GLI3: variants seen among roughly 807,000 people sequenced by gnomAD.
GLI3 encodes GLI family zinc finger 3, also known as transcription activator GLI3.
A neutral mutation model predicts 100.8 loss-of-function variants in GLI3; 20 were observed. The observed-to-expected ratio is 0.20, with a 90% CI of 0.14 to 0.29. The LOEUF is 0.29. Ranked by LOEUF, GLI3 falls within the 10% of genes least tolerant of loss-of-function variation. GLI3 has a pLI of 1.00. For missense variants in GLI3, 2,040 were observed against 2,128.5 expected (o/e 0.96, Z 0.82); for synonymous variants, 938 against 860.5 (o/e 1.09, Z -1.58).
intron 3 of GLI3, among the ~76,000 whole-genome samples, chr7:42,128,780 A>G (rs1252230466): frequency 6.6e-6 from 1 of 152,086 alleles, no homozygotes; most frequent in Non-Finnish European, 1.5e-5. Flanking sequence ...GTAGGAATGG[A>G]AGTCCATGGG....
intron 10 of GLI3, among the ~76,000 whole-genome samples, chr7:42,006,689 A>G (rs569966900): frequency 6.6e-6 from 1 of 152,250 alleles, no homozygotes; most frequent in South Asian, 2.1e-4. Context: ...GGAATGTGCT[A>G]TTCCAGGGAA....
At chr7:42,088,153 C>A (rs916979354) in intron 3 of GLI3, among the ~76,000 whole-genome samples, 15 of 152,232 alleles carry the variant, frequency 9.9e-5, no homozygotes, top group African/African-American at 2.9e-4. Context: ...TAGCCACAAG[C>A]TGCACATTTT....
chr7:42,026,183 G>T lies in GLI3; in HGVS notation c.1242+16C>A. 1 of 1,593,504 alleles carries T rather than the reference G, an allele frequency of 6.3e-7. No individual in the cohort carries two copies. The highest frequency in any genetic ancestry group is 8.6e-7 in the Non-Finnish European group (1 of 1,164,546). On this transcript the variant is annotated intron_variant, in intron 8 of 14. Coordinates refer to ENST00000395925, the MANE Select transcript of GLI3 (RefSeq NM_000168.6). Reference sequence around the variant, plus strand: ...GCTGACCAGCACGGCCGGGTGCATCGACCTGTCCCTCTCACCTGTGAGGAC... The same window carrying T: ...GCTGACCAGCACGGCCGGGTGCATCTACCTGTCCCTCTCACCTGTGAGGAC...
rs1370365532 is a variant in GLI3 at position 41,972,066 on chromosome 7, G to C, written c.2103+271C>G. Among the ~76,000 whole-genome samples the C allele has an allele frequency of 6.6e-6, 1 of 152,202 alleles. No individual in the cohort carries two copies. On this transcript the variant is annotated intron_variant, in intron 13 of 14. Transcript: ENST00000395925. The surrounding 1 kb of genome is among the most constrained non-coding windows in gnomAD (Gnocchi z 4.4). ...GAATGATTTTCGACATTACAGACAC[G>C]CTGGAGAGACAGACAGTCGTGTCTT...
At chr7:42,213,825 C>T (rs1788318609) in intron 2 of GLI3, among the ~76,000 whole-genome samples, 1 of 152,222 alleles carries the variant, frequency 6.6e-6, no homozygotes, top group South Asian at 2.1e-4. Context: ...TTAACTCAAC[C>T]TTAGTTGTGT....
At position 41,964,546 on chromosome 7, in the gene GLI3, G is replaced by T. The variant is rs759795415; in HGVS notation, c.4527C>A (p.Ile1509=). 1.9e-6 allele frequency: 3 copies of T among 1,613,866 alleles called. No individual in the cohort carries two copies. In the South Asian group the frequency reaches 3.3e-5, roughly 18 times the overall value. The change falls in exon 15 of 15, where the codon ATC becomes ATA. Residue 1509 remains isoleucine (I), a synonymous_variant. Transcript: ENST00000395925. Reference sequence around the variant, plus strand: ...GGCTGGAGTGGTCCCCATCGTCTATGATGGCATCGAAGTCAATCTGTACCC... The same window carrying T: ...GGCTGGAGTGGTCCCCATCGTCTATTATGGCATCGAAGTCAATCTGTACCC... ...LEGVQIDFDA[I]IDDGDHSSLM...
intron 2 of GLI3, among the ~76,000 whole-genome samples, chr7:42,190,042 T>C (rs1289970070): frequency 6.7e-6 from 1 of 148,618 alleles, no homozygotes; most frequent in African/African-American, 2.5e-5. Context: ...TGCAATTACA[T>C]AGGGAAAATG....
intron 7 of GLI3, among the ~76,000 whole-genome samples, chr7:42,030,611 G>A (rs913652915): frequency 6.6e-6 from 1 of 151,514 alleles, no homozygotes; most frequent in South Asian, 2.1e-4. Flanking sequence ...CTATTTTTAG[G>A]GGCCCTGAAT....
At chr7:42,217,738 T>C (rs2128700564) in intron 2 of GLI3, among the ~76,000 whole-genome samples, 1 of 152,358 alleles carries the variant, frequency 6.6e-6, no homozygotes, top group Non-Finnish European at 1.5e-5. Flanking sequence ...TCTTGAACTG[T>C]TTTTCAGACA....
At chr7:42,000,961 G>A (rs1279298505) in intron 10 of GLI3, among the ~76,000 whole-genome samples, 1 of 152,082 alleles carries the variant, frequency 6.6e-6, no homozygotes, top group Non-Finnish European at 1.5e-5. Flanking sequence ...AAAAAAAGGA[G>A]GAGGGCCGGG....
rs1408419270 is a variant in GLI3 at position 42,233,604 on chromosome 7, T to C, written c.-43+3367A>G. ...AAAATCATCAAAGTGTGAAATTTCA[T>C]TTAAAGTCTTCGCCAGTCTACAGCT... On this transcript the variant is annotated intron_variant, in intron 1 of 14. Transcript: ENST00000395925. 2.0e-5 allele frequency among the ~76,000 whole-genome samples: 3 copies of C among 152,340 alleles called. No individual in the cohort carries two copies. The East Asian group carries it at 5.8e-4, about 29-fold the overall frequency.
chr7:42,225,283 G>A (rs114430621), intron 1 of GLI3, among the ~76,000 whole-genome samples: 1,787 of 152,210 alleles, frequency 0.012, 27 homozygotes, highest in African/African-American at 0.04. Context: ...GATGGCACCC[G>A]GAACCTCAAT....
chr7:42,148,135 GCACACACACACA>G (rs34148485), intron 3 of GLI3, 79 bp downstream of exon 3: 666 of 867,220 alleles, frequency 7.7e-4, no homozygotes, highest in Non-Finnish European at 7.9e-4. Flanking sequence ...CATAAAGCGC[GCACACACACACA>G]CACACACACA....
intron 2 of GLI3, among the ~76,000 whole-genome samples, chr7:42,155,812 G>C (rs1210374809): frequency 6.6e-6 from 1 of 152,174 alleles, no homozygotes; most frequent in Non-Finnish European, 1.5e-5. Flanking sequence ...TGCAGAGCAA[G>C]CTGCCTCCTG....
At chr7:41,968,913 C>T (rs182214894) in intron 13 of GLI3, among the ~76,000 whole-genome samples, 4 of 152,128 alleles carry the variant, frequency 2.6e-5, no homozygotes, top group African/African-American at 7.2e-5. Flanking sequence ...TAACCCCAAC[C>T]GAGTAGACTC....
At chr7:42,215,245 C>A (rs1316191435) in intron 2 of GLI3, among the ~76,000 whole-genome samples, 1 of 152,148 alleles carries the variant, frequency 6.6e-6, no homozygotes, top group Non-Finnish European at 1.5e-5. Flanking sequence ...TTTCAAAACT[C>A]ATAGAACGGC....
intron 3 of GLI3, among the ~76,000 whole-genome samples, chr7:42,106,609 CTATAAT>C (rs1019793734): frequency 6.6e-6 from 1 of 152,152 alleles, no homozygotes; most frequent in South Asian, 2.1e-4. Context: ...GGTTGGAAAT[CTATAAT>C]TATATGGAAT....
rs780680458 is a variant in GLI3 at position 42,026,400 on chromosome 7, G to A, written c.1041C>T (p.Ser347=). 1 of 1,614,042 alleles carries A rather than the reference G, an allele frequency of 6.2e-7. No homozygotes were observed. Among genetic ancestry groups the A allele is most frequent in the Non-Finnish European group, 8.5e-7 (1 of 1,179,940 alleles). ...AGACGGGCGCGGAAGAGTAGGTGAA[G>A]CTCAAGGCAGGGCTGCACGGGGGAG... is the stretch of plus-strand genomic sequence containing the variant. ...LSASAISPAL[S]FTYSSAPVSL... is the part of the protein sequence containing the mutation. The change falls in exon 8 of 15, where the codon AGC becomes AGT. Residue 347 remains serine, a synonymous_variant. Coordinates refer to ENST00000395925, the MANE Select transcript of GLI3 (RefSeq NM_000168.6).
chr7:41,969,989 G>A (rs1172831173), intron 13 of GLI3, among the ~76,000 whole-genome samples: 1 of 152,116 alleles, frequency 6.6e-6, no homozygotes, highest in Non-Finnish European at 1.5e-5. Flanking sequence ...TTTTTCACAT[G>A]CTGAATGTTG....
Sources: allele counts gnomAD v4.1 joint callset (sites outside exome capture counted in the v4.1 genomes callset), GRCh38; gene constraint gnomAD v4.1.1; non-coding constraint Gnocchi (gnomAD v3.1); transcripts MANE v1.5; gene names NCBI Gene and HGNC (gene_info 2026-07-23, HGNC 2026-07-21).